The following ILRUN variants were observed in gnomAD, a reference collection of about 807,000 sequenced individuals.
ILRUN encodes the protein protein ILRUN.
Under a neutral mutation model 33.8 loss-of-function variants are expected in ILRUN, and 3 were observed. The observed-to-expected ratio is 0.09, with a 90% CI of 0.04 to 0.23. The LOEUF (loss-of-function observed/expected upper bound fraction) is 0.23. Ranked by LOEUF, ILRUN falls within the 10% of genes least tolerant of loss-of-function variation. The pLI is 1.00. For missense variants in ILRUN, 210 were observed against 375.1 expected (o/e 0.56, Z 3.64); for synonymous variants, 124 against 138.9 (o/e 0.89, Z 0.75).
intron 1 of ILRUN, among the ~76,000 whole-genome samples, chr6:34,674,837 A>G (rs1020123892): frequency 6.6e-6 from 1 of 151,176 alleles, no homozygotes; most frequent in Non-Finnish European, 1.5e-5. Context: ...AGGCAGGAGG[A>G]TCAGTTGAGC....
chr6:34,687,670 C>G (rs1763549900), intron 1 of ILRUN, among the ~76,000 whole-genome samples: 1 of 143,936 alleles, frequency 6.9e-6, no homozygotes, highest in African/African-American at 2.8e-5. Flanking sequence ...TGCACTCCAG[C>G]CTGGGCAACA....
rs1424582584 is a variant in ILRUN at position 34,590,052 on chromosome 6, TC to T, written c.*512del. 6.4e-6 allele frequency: 1 copy of T among 156,624 alleles called. No homozygotes were observed. The highest frequency in any genetic ancestry group is 1.4e-5 in the Non-Finnish European group (1 of 70,416). 9.7% of individuals were successfully genotyped at this position (156,624 alleles called of 1,614,324 possible). A position where few individuals can be genotyped will look rare whatever the true frequency, so the allele number is the denominator to read the frequency against. ...GGCAGATGTACTCCTGTAGCACTGATCCGCAGAGTCCTCAAACATGCCACGC... is the reference window on the plus strand; with the variant it reads ...GGCAGATGTACTCCTGTAGCACTGATCGCAGAGTCCTCAAACATGCCACGC... On this transcript the variant is annotated 3_prime_UTR_variant, in exon 5 of 5. Transcript: ENST00000374023.
chr6:34,668,625 A>C (rs944845485), intron 1 of ILRUN, among the ~76,000 whole-genome samples: 1 of 152,144 alleles, frequency 6.6e-6, no homozygotes, highest in Non-Finnish European at 1.5e-5. Flanking sequence ...AACAGTCAAG[A>C]CTCAGCCTTA....
chr6:34,666,049 G>A (rs2127374257), intron 1 of ILRUN, among the ~76,000 whole-genome samples: 1 of 151,844 alleles, frequency 6.6e-6, no homozygotes, highest in Non-Finnish European at 1.5e-5. Context: ...ATAGCCCTAT[G>A]CTATCTTATT....
intron 4 of ILRUN, among the ~76,000 whole-genome samples, chr6:34,602,387 G>T (rs887351360): frequency 6.6e-6 from 1 of 152,074 alleles, no homozygotes; most frequent in South Asian, 2.1e-4. Flanking sequence ...TGGCATATAA[G>T]AAAAAGGCAT....
intron 1 of ILRUN, among the ~76,000 whole-genome samples, chr6:34,673,432 T>C (rs1381518545): frequency 1.3e-5 from 2 of 151,902 alleles, no homozygotes; most frequent in South Asian, 4.1e-4. Flanking sequence ...AGTTTGAGGA[T>C]AGTAAAAAAA....
In ILRUN at chr6:34,690,971, G is replaced by A. The variant is rs1209022423; in HGVS notation, c.158+5475C>T. Among the ~76,000 whole-genome samples the A allele has an allele frequency of 3.9e-5, 6 of 152,144 alleles. No individual in the cohort carries two copies. The East Asian group carries it at 5.8e-4, about 15-fold the overall frequency. On this transcript the variant is annotated intron_variant, in intron 1 of 4. Coordinates refer to ENST00000374023, the MANE Select transcript of ILRUN (RefSeq NM_024294.4). ...GTGATCTCGGCTCACTGCAAGCTCC[G>A]CCTCCTGGGTTCATGCCATTCTCCT...
chr6:34,618,709 T>C (rs116747509), intron 3 of ILRUN, among the ~76,000 whole-genome samples: 143 of 152,302 alleles, frequency 9.4e-4, no homozygotes, highest in African/African-American at 3.2e-3. Context: ...CTCCCCCTCA[T>C]TCCAGCTCAT....
chr6:34,596,925 T>A (rs1306821687), intron 4 of ILRUN, among the ~76,000 whole-genome samples: 1 of 152,090 alleles, frequency 6.6e-6, no homozygotes, highest in Non-Finnish European at 1.5e-5. Flanking sequence ...CATCTACCCA[T>A]TTATCCTCCC....
At chr6:34,630,689 G>GT (rs981445862) in intron 3 of ILRUN, among the ~76,000 whole-genome samples, 11 of 152,070 alleles carry the variant, frequency 7.2e-5, no homozygotes, top group Admixed American at 7.2e-4. Flanking sequence ...CCCTGGGTTT[G>GT]TTTTTTTAAG....
At chr6:34,664,231 C>T (rs577296032) in intron 1 of ILRUN, among the ~76,000 whole-genome samples, 2 of 152,294 alleles carry the variant, frequency 1.3e-5, no homozygotes, top group African/African-American at 2.4e-5. Flanking sequence ...AATATAATGG[C>T]TACACATTGT....
chr6:34,597,607 T>C (rs766200333), intron 4 of ILRUN, among the ~76,000 whole-genome samples: 3 of 152,244 alleles, frequency 2.0e-5, no homozygotes, highest in Non-Finnish European at 4.4e-5. Flanking sequence ...GCTTGCATAA[T>C]GGCTAGTGGA....
intron 2 of ILRUN, 81 bp downstream of exon 2, chr6:34,654,544 A>G (rs1377321914): frequency 1.4e-6 from 2 of 1,426,806 alleles, no homozygotes; most frequent in African/African-American, 2.9e-5. Context: ...AATCACATAC[A>G]TAAGCTAAAA....
chr6:34,669,411 G>A (rs1582095328), intron 1 of ILRUN, among the ~76,000 whole-genome samples: 1 of 151,290 alleles, frequency 6.6e-6, no homozygotes, highest in Admixed American at 6.6e-5. Context: ...TTAAAGGCGT[G>A]AGCCACCATG....
chr6:34,694,011 G>T (rs1763704305), intron 1 of ILRUN, among the ~76,000 whole-genome samples: 1 of 151,884 alleles, frequency 6.6e-6, no homozygotes, highest in Non-Finnish European at 1.5e-5. Context: ...TGTAGAGACA[G>T]GATCTCACTA....
chr6:34,650,244 C>T (rs1419071859), intron 2 of ILRUN, among the ~76,000 whole-genome samples: 1 of 152,026 alleles, frequency 6.6e-6, no homozygotes, highest in East Asian at 1.9e-4. Flanking sequence ...TTTTAACTCC[C>T]AAAGTTTCCT....
At chr6:34,633,997 T>C in intron 3 of ILRUN, among the ~76,000 whole-genome samples, 1 of 149,814 alleles carries the variant, frequency 6.7e-6, no homozygotes, top group East Asian at 2.0e-4. Flanking sequence ...TGGGAGCACA[T>C]GCCTGTAATC....
At chr6:34,604,163 A>C (rs1022449382) in intron 4 of ILRUN, among the ~76,000 whole-genome samples, 2 of 152,214 alleles carry the variant, frequency 1.3e-5, no homozygotes, top group African/African-American at 4.8e-5. Flanking sequence ...TCCAGGAAAA[A>C]AATTAGATAA....
At chr6:34,595,963 A>G in intron 4 of ILRUN, 3 of 963,832 alleles carry the variant, frequency 3.1e-6, no homozygotes, top group Non-Finnish European at 3.7e-6. Flanking sequence ...ATGCAAACAC[A>G]GAAGAATACA....
Sources: gnomAD v4.1 joint callset for allele counts (sites outside exome capture counted in the v4.1 genomes callset) on GRCh38, gnomAD v4.1.1 for gene constraint, MANE v1.5 for transcripts, NCBI Gene and HGNC (gene_info 2026-07-23, HGNC 2026-07-21) for gene names.